RGS12: variants seen among roughly 807,000 people sequenced by gnomAD.
RGS12 encodes the protein regulator of G protein signaling 12, also known as regulator of G-protein signaling 12.
RGS12 carries 66 observed loss-of-function variants against 120.1 expected under a neutral mutation model. The ratio of observed to expected loss-of-function variants is 0.55; its 90% CI spans 0.45 to 0.67. RGS12 has a LOEUF of 0.67. Among genes scored for constraint, RGS12 ranks in the 30% least tolerant of loss-of-function variants. The pLI is 0.00. For synonymous variants in RGS12, 827 were observed against 804.7 expected (o/e 1.03, Z -0.47); for missense variants, 1,859 against 1,957.7 (o/e 0.95, Z 0.95).
At chr4:3,332,478 C>T (rs570528515) in intron 2 of RGS12, among the ~76,000 whole-genome samples, 69 of 152,344 alleles carry the variant, frequency 4.5e-4, no homozygotes, top group Non-Finnish European at 8.5e-4. Context: ...TTACTCATAA[C>T]GCACTAGTGA....
chr4:3,416,033 C>T lies in RGS12; in HGVS notation c.2339C>T (p.Thr780Ile), dbSNP rs1722356779. Reference sequence around the variant, plus strand: ...AAGTTTCTCTGCAGCAAAGCCACCACCCCGGTCAACATCGACAGCCAGGCC... The same window carrying T: ...AAGTTTCTCTGCAGCAAAGCCACCATCCCGGTCAACATCGACAGCCAGGCC... ...FSKFLCSKAT[T>I]PVNIDSQAQL... The change falls in exon 7 of 18, where the codon ACC (threonine) becomes ATC (isoleucine). Residue 780 changes from threonine (T) to isoleucine (I), a missense_variant. Physicochemically the swap from Thr to Ile is moderately conservative, Grantham distance 89. This residue lies in a region of RGS12 where 375 missense variants were observed against 475.0 expected (regional missense o/e 0.79). Coordinates refer to ENST00000336727, the MANE Select transcript of RGS12 (RefSeq NM_001394154.1). 1 of 1,613,976 alleles carries T rather than the reference C, an allele frequency of 6.2e-7. No individual in the cohort carries two copies.
At chr4:3,417,164 G>A (rs764047488) in intron 8 of RGS12, 72 bp downstream of exon 8, 481 of 1,454,840 alleles carry the variant, frequency 3.3e-4, no homozygotes, top group Non-Finnish European at 4.0e-4. Context: ...TCTGTGGGGA[G>A]TGAAAAGAGG....
intron 3 of RGS12, among the ~76,000 whole-genome samples, chr4:3,371,073 G>T (rs966387800): frequency 6.6e-6 from 1 of 152,222 alleles, no homozygotes. Flanking sequence ...TACTAGTTTA[G>T]AGATGAGGGG....
chr4:3,420,149 A>C (rs141916702), intron 9 of RGS12, among the ~76,000 whole-genome samples: 74 of 152,326 alleles, frequency 4.9e-4, no homozygotes, highest in African/African-American at 1.8e-3. Context: ...GTCAGAGGAA[A>C]AGGACGTGGA....
At chr4:3,301,348 A>C (rs1261766860) in intron 1 of RGS12, among the ~76,000 whole-genome samples, 1 of 152,182 alleles carries the variant, frequency 6.6e-6, no homozygotes, top group African/African-American at 2.4e-5. Flanking sequence ...TAAGATACTA[A>C]AAGCAAAAGG....
intron 1 of RGS12, among the ~76,000 whole-genome samples, chr4:3,298,179 C>T (rs1445930468): frequency 6.6e-6 from 1 of 152,196 alleles, no homozygotes; most frequent in Admixed American, 6.5e-5. Context: ...GTTTATTGTG[C>T]TGGGCACTCC....
chr4:3,420,906 G>T lies in RGS12; in HGVS notation c.2838+188G>T, dbSNP rs547761181. On this transcript the variant is annotated intron_variant, in intron 10 of 17. Transcript: ENST00000336727. ...GCAGGGTGGCCCAGTGCCCCATCAG[G>T]CCCCGGCCTCATGGTCCCCCAGCCT... 1.9e-3 allele frequency among the ~76,000 whole-genome samples: 292 copies of T among 152,362 alleles called. 2 individuals are homozygous for T. Among genetic ancestry groups the T allele is most frequent in the African/African-American group, 6.6e-3 (276 of 41,578 alleles).
intron 3 of RGS12, among the ~76,000 whole-genome samples, chr4:3,371,843 G>A (rs569997803): frequency 1.4e-4 from 21 of 152,348 alleles, no homozygotes; most frequent in Admixed American, 1.2e-3. Context: ...CCGCAGCAGC[G>A]CTCTTTTGGA....
At position 3,366,092 on chromosome 4, in the gene RGS12, T is replaced by C. The variant is rs1716272129; in HGVS notation, c.1999-20324T>C. 6.6e-6 allele frequency among the ~76,000 whole-genome samples: 1 copy of C among 151,994 alleles called. No homozygotes were observed. On this transcript the variant is annotated intron_variant, in intron 3 of 17. Transcript: ENST00000336727. The surrounding 1 kb of genome is among the most constrained non-coding windows in gnomAD (Gnocchi z 4.0). ...GGCCAGGCAGTGGTGGGACCTCATC[T>C]GGGGGGTGCTGGCCTGGGCAGCACC...
chr4:3,287,164 G>T, the RGS12 span, among the ~76,000 whole-genome samples: 1 of 152,228 alleles, frequency 6.6e-6, no homozygotes, highest in Non-Finnish European at 1.5e-5. Flanking sequence ...AGGCCCCGAC[G>T]CTGTGCAGAG....
intron 3 of RGS12, among the ~76,000 whole-genome samples, chr4:3,380,830 A>G (rs569612335): frequency 6.6e-6 from 1 of 152,304 alleles, no homozygotes; most frequent in Admixed American, 6.5e-5. Context: ...CTGTGATGAG[A>G]GGGGCTGCCC....
chr4:3,428,878 C>T (rs911867283), intron 16 of RGS12, among the ~76,000 whole-genome samples, 167 bp downstream of exon 16: 2 of 152,238 alleles, frequency 1.3e-5, no homozygotes, highest in African/African-American at 2.4e-5. Context: ...GTTGGGATCA[C>T]TCCACCGAAA....
intron 3 of RGS12, chr4:3,370,187 A>C: frequency 6.3e-7 from 1 of 1,584,260 alleles, no homozygotes; most frequent in Non-Finnish European, 8.6e-7. Flanking sequence ...AAATGCCTTT[A>C]AACTTTTCTC....
At chr4:3,411,011 C>T (rs942456724) in intron 4 of RGS12, among the ~76,000 whole-genome samples, 2 of 152,202 alleles carry the variant, frequency 1.3e-5, no homozygotes, top group African/African-American at 4.8e-5. Flanking sequence ...TGCACTGTAT[C>T]AGTGTTGCCT....
intron 3 of RGS12, among the ~76,000 whole-genome samples, chr4:3,364,853 G>A (rs1386133851): frequency 6.6e-6 from 1 of 152,126 alleles, no homozygotes; most frequent in Non-Finnish European, 1.5e-5. Flanking sequence ...GGAGAGCCAG[G>A]GCCTGGCTGC....
chr4:3,290,639 C>T (rs1253162330), upstream of RGS12, among the ~76,000 whole-genome samples: 3 of 152,256 alleles, frequency 2.0e-5, no homozygotes, highest in Non-Finnish European at 4.4e-5. Flanking sequence ...CAACTGTAGC[C>T]TATGAGCTGT....
intron 4 of RGS12, among the ~76,000 whole-genome samples, chr4:3,401,338 C>T (rs910625361): frequency 1.3e-5 from 2 of 152,242 alleles, no homozygotes; most frequent in Middle Eastern, 3.4e-3. Context: ...ATTATAATGT[C>T]AGTTTATATC....
intron 4 of RGS12, among the ~76,000 whole-genome samples, chr4:3,398,803 C>G (rs1365444965): frequency 6.6e-6 from 1 of 151,466 alleles, no homozygotes; most frequent in Non-Finnish European, 1.5e-5. Flanking sequence ...ATCTAACAGA[C>G]ACATAGAGAG....
intron 17 of RGS12, among the ~76,000 whole-genome samples, chr4:3,434,243 T>C (rs556600681): frequency 1.4e-4 from 21 of 152,144 alleles, no homozygotes; most frequent in African/African-American, 4.8e-4. Context: ...TATAAAACCA[T>C]CAGCTCTCCT....
Sources: allele counts gnomAD v4.1 joint callset (sites outside exome capture counted in the v4.1 genomes callset), GRCh38; gene constraint gnomAD v4.1.1; regional missense constraint gnomAD v4.1.1; non-coding constraint Gnocchi (gnomAD v3.1); transcripts MANE v1.5; gene names NCBI Gene and HGNC (gene_info 2026-07-23, HGNC 2026-07-21).